CSMD2: variants seen among roughly 807,000 people sequenced by gnomAD.
CSMD2 encodes CUB and Sushi multiple domains 2, also known as CUB and sushi domain-containing protein 2.
In CSMD2, 130 loss-of-function variants were observed where a neutral mutation model predicts 398.5. The ratio of observed to expected loss-of-function variants is 0.33; its 90% CI spans 0.28 to 0.38. The LOEUF is 0.38. CSMD2 is among the 10% of genes least tolerant of loss of function. The pLI, the probability that CSMD2 is intolerant of heterozygous loss-of-function variation, is 1.00. For synonymous variants in CSMD2, 1,828 were observed against 1,908.5 expected (o/e 0.96, Z 1.10); for missense variants, 3,829 against 4,764.9 (o/e 0.80, Z 5.78).
intron 1 of CSMD2, among the ~76,000 whole-genome samples, chr1:34,113,256 A>G (rs886444860): frequency 1.4e-4 from 21 of 152,306 alleles, no homozygotes; most frequent in African/African-American, 4.8e-4. Flanking sequence ...GCCCTCCAAG[A>G]GAAAGTGTGG....
intron 25 of CSMD2, among the ~76,000 whole-genome samples, chr1:33,691,954 C>T (rs2149096043): frequency 6.6e-6 from 1 of 152,254 alleles, no homozygotes; most frequent in South Asian, 2.1e-4. Context: ...TGAGCCATGG[C>T]TCAAGGCCCC....
chr1:33,797,032 C>A (rs1385439008), intron 10 of CSMD2, among the ~76,000 whole-genome samples: 1 of 152,136 alleles, frequency 6.6e-6, no homozygotes. Flanking sequence ...GCTCTCGAAC[C>A]CTGTTTTCTG....
chr1:34,008,176 A>G (rs1316368645), intron 3 of CSMD2, among the ~76,000 whole-genome samples: 1 of 152,216 alleles, frequency 6.6e-6, no homozygotes, highest in Non-Finnish European at 1.5e-5. Context: ...GACGTGCTCC[A>G]TACTTTACGT....
intron 4 of CSMD2, among the ~76,000 whole-genome samples, chr1:33,920,626 C>T (rs917787022): frequency 2.1e-4 from 31 of 150,936 alleles, no homozygotes; most frequent in Non-Finnish European, 3.2e-4. Context: ...GCAGGGCTTC[C>T]GAGGGCCTGA....
At chr1:33,892,238 C>T (rs1642074434) in intron 5 of CSMD2, among the ~76,000 whole-genome samples, 1 of 151,602 alleles carries the variant, frequency 6.6e-6, no homozygotes, top group Admixed American at 6.6e-5. Flanking sequence ...CCATGTCAGA[C>T]ATATTTAATT....
At chr1:33,674,756 A>C (rs1274707812) in intron 25 of CSMD2, among the ~76,000 whole-genome samples, 1 of 152,144 alleles carries the variant, frequency 6.6e-6, no homozygotes, top group Admixed American at 6.5e-5. Context: ...ATAACAAACT[A>C]TCTCTCAGAC....
At chr1:33,588,374 A>G (rs960891214) in intron 44 of CSMD2, among the ~76,000 whole-genome samples, 1 of 121,374 alleles carries the variant, frequency 8.2e-6, no homozygotes, top group African/African-American at 3.5e-5. Context: ...TTATATATGC[A>G]TCTTTTACGT....
At chr1:33,947,809 A>G (rs1570596473) in intron 3 of CSMD2, among the ~76,000 whole-genome samples, 1 of 152,310 alleles carries the variant, frequency 6.6e-6, no homozygotes, top group Middle Eastern at 3.4e-3. Flanking sequence ...GACCACTTCT[A>G]TGACAAACTT....
At chr1:33,675,748 AG>A (rs1644686831) in intron 25 of CSMD2, among the ~76,000 whole-genome samples, 2 of 152,224 alleles carry the variant, frequency 1.3e-5, no homozygotes, top group South Asian at 4.1e-4. Flanking sequence ...CACATCAAAA[AG>A]CTTATGCACC....
chr1:33,619,523 G>C (rs1215924663), intron 37 of CSMD2, among the ~76,000 whole-genome samples: 1 of 152,186 alleles, frequency 6.6e-6, no homozygotes, highest in Non-Finnish European at 1.5e-5. Context: ...CCCTCTGAGG[G>C]AAACTCACAT....
intron 25 of CSMD2, among the ~76,000 whole-genome samples, chr1:33,665,698 G>T (rs1381510978): frequency 6.6e-6 from 1 of 151,800 alleles, no homozygotes; most frequent in African/African-American, 2.4e-5. Flanking sequence ...AAATTCCTGG[G>T]ATTACAGGTG....
At chr1:33,895,310 T>C (rs958253613) in intron 5 of CSMD2, among the ~76,000 whole-genome samples, 1 of 152,146 alleles carries the variant, frequency 6.6e-6, no homozygotes, top group Non-Finnish European at 1.5e-5. Flanking sequence ...CAGCTTCTCA[T>C]GATACAGGCA....
At chr1:33,715,319 G>A (rs1646131077) in intron 20 of CSMD2, among the ~76,000 whole-genome samples, 1 of 152,018 alleles carries the variant, frequency 6.6e-6, no homozygotes, top group African/African-American at 2.4e-5. Context: ...CTGACGAGAA[G>A]CCATGTCTCA....
intron 2 of CSMD2, among the ~76,000 whole-genome samples, chr1:34,085,463 T>C (rs1221500186): frequency 6.6e-6 from 1 of 152,098 alleles, no homozygotes; most frequent in Non-Finnish European, 1.5e-5. Context: ...TTATACATAA[T>C]TATTTTCTTT....
At chr1:33,551,321 G>A (rs993037162) in intron 55 of CSMD2, among the ~76,000 whole-genome samples, 12 of 152,206 alleles carry the variant, frequency 7.9e-5, no homozygotes, top group African/African-American at 2.9e-4. Flanking sequence ...AGCATCTTGG[G>A]AAGCCACTGG....
intron 5 of CSMD2, among the ~76,000 whole-genome samples, chr1:33,871,188 T>C (rs1640434048): frequency 6.6e-6 from 1 of 152,128 alleles, no homozygotes; most frequent in Admixed American, 6.5e-5. Flanking sequence ...AAATGATGAG[T>C]ACAGATTTTG....
chr1:33,893,980 G>A (rs1189620567), intron 5 of CSMD2, among the ~76,000 whole-genome samples: 2 of 152,200 alleles, frequency 1.3e-5, no homozygotes, highest in Non-Finnish European at 2.9e-5. Context: ...AACATATCCC[G>A]ATGTGGGGTC....
chr1:33,648,304 G>A (rs890019377), intron 28 of CSMD2, among the ~76,000 whole-genome samples: 1 of 149,412 alleles, frequency 6.7e-6, no homozygotes, highest in African/African-American at 2.4e-5. Flanking sequence ...GGAGTTTGCA[G>A]TCAGCAGAGA....
intron 13 of CSMD2, among the ~76,000 whole-genome samples, chr1:33,755,895 TG>T (rs1219450081): frequency 2.0e-5 from 3 of 152,130 alleles, no homozygotes; most frequent in African/African-American, 7.2e-5. Context: ...CTTAGACACC[TG>T]GCTTGTACAC....
Sources: gnomAD v4.1 joint callset for allele counts (sites outside exome capture counted in the v4.1 genomes callset) on GRCh38, gnomAD v4.1.1 for gene constraint, MANE v1.5 for transcripts, NCBI Gene and HGNC (gene_info 2026-07-23, HGNC 2026-07-21) for gene names.